Variants in CPB2 observed in about 807,000 individuals in gnomAD.
The protein encoded by CPB2 is carboxypeptidase B2.
A neutral mutation model predicts 57.0 loss-of-function variants in CPB2; 54 were observed. The ratio of observed to expected loss-of-function variants is 0.95; its 90% CI spans 0.76 to 1.19. The LOEUF (loss-of-function observed/expected upper bound fraction) is 1.19. Ranked by LOEUF, CPB2 falls within the 50% of genes most tolerant of loss-of-function variation. The probability of loss-of-function intolerance (pLI) is 0.00; values close to 1 mark genes in which losing one functional copy is unlikely to be tolerated. For synonymous variants in CPB2, 189 were observed against 178.1 expected (o/e 1.06, Z -0.49); for missense variants, 426 against 512.0 (o/e 0.83, Z 1.62).
chr13:46,104,604 G>A (rs2045472154), intron 1 of CPB2, among the ~76,000 whole-genome samples: 2 of 152,130 alleles, frequency 1.3e-5, no homozygotes, highest in South Asian at 4.2e-4. Flanking sequence ...GTGAAGACAG[G>A]AAGAATATGA....
intron 1 of CPB2, among the ~76,000 whole-genome samples, chr13:46,102,030 T>A (rs954526489): frequency 1.3e-5 from 2 of 152,354 alleles, no homozygotes; most frequent in African/African-American, 4.8e-5. Flanking sequence ...TTAAGGCCAC[T>A]GGTGGCCTGT....
chr13:46,065,516 A>G (rs1022945322), intron 7 of CPB2, among the ~76,000 whole-genome samples: 2 of 150,516 alleles, frequency 1.3e-5, no homozygotes, highest in Non-Finnish European at 2.9e-5. Context: ...AGTCCCAGCT[A>G]CTCGGGAGGC....
intron 4 of CPB2, among the ~76,000 whole-genome samples, chr13:46,079,442 C>T (rs202191212): frequency 6.6e-6 from 1 of 150,526 alleles, no homozygotes; most frequent in Non-Finnish European, 1.5e-5. Flanking sequence ...ACTCAATTAT[C>T]CCCCCAAGAA....
At chr13:46,098,996 G>A (rs140334449) in intron 1 of CPB2, 1 of 152,210 alleles carries the variant, frequency 6.6e-6, no homozygotes, top group African/African-American at 2.4e-5. Context: ...CAATGCGAGT[G>A]GTATAAATAT....
intron 7 of CPB2, 113 bp downstream of exon 7, chr13:46,067,189 TAAAAA>T (rs34583549): frequency 1.2e-5 from 6 of 514,810 alleles, no homozygotes; most frequent in Non-Finnish European, 2.1e-5. Context: ...CAATAAAAGT[TAAAAA>T]AAATTAATAA....
intron 7 of CPB2, among the ~76,000 whole-genome samples, chr13:46,066,552 A>T (rs2044856777): frequency 6.6e-6 from 1 of 152,220 alleles, no homozygotes; most frequent in South Asian, 2.1e-4. Context: ...ATACTTTTTA[A>T]AAAGTTAGGA....
intron 6 of CPB2, among the ~76,000 whole-genome samples, chr13:46,068,745 T>C (rs2044893918): frequency 7.0e-6 from 1 of 143,702 alleles, no homozygotes; most frequent in Admixed American, 6.9e-5. Context: ...CCTGTGTCCA[T>C]GTGTTCTCAT....
Position 46,058,187 on chromosome 13 carries a change from C to G in CPB2, c.991G>C (p.Glu331Gln). ...AATTAAGTAGCACTTACCAGTTCCT[C>G]ATGGTCTTTGCTTTTACTTCGTGTA... is the stretch of plus-strand genomic sequence containing the variant. ...SYTRSKSKDH[E>Q]ELSLVASEAV... Residue 331 changes from glutamate to glutamine, a missense_variant, in exon 9 of 11, where the codon GAG (glutamate) becomes CAG (glutamine). Glu to Gln is a conservative substitution (Grantham distance 29, BLOSUM62 2). Coordinates refer to ENST00000181383, the MANE Select transcript of CPB2 (RefSeq NM_001872.5). The G allele has an allele frequency of 6.2e-7, 1 of 1,611,368 alleles. No homozygotes were observed. The highest frequency in any genetic ancestry group is 1.1e-5 in the South Asian group (1 of 90,970).
At chr13:46,100,075 A>T (rs1463254849) in intron 1 of CPB2, 1 of 152,094 alleles carries the variant, frequency 6.6e-6, no homozygotes, top group African/African-American at 2.4e-5. Context: ...GGCAGTATTA[A>T]ATTAAAAAAA....
rs767289329 is a variant in CPB2 at position 46,082,524 on chromosome 13, G to C, written c.301C>G (p.Leu101Val). Reference sequence around the variant, plus strand: ...TCGTTGGAAATCTGCTGTTGAATAAGATCTTCCACATCTGCCAGCAAGACA... The same window carrying C: ...TCGTTGGAAATCTGCTGTTGAATAACATCTTCCACATCTGCCAGCAAGACA... ...CSVLLADVED[L>V]IQQQISNDTV... Residue 101 changes from leucine (L) to valine (V), a missense_variant, in exon 4 of 11, where the codon CTT becomes GTT. By Grantham distance (32) the Leu-to-Val change is conservative. Coordinates refer to ENST00000181383, the MANE Select transcript of CPB2 (RefSeq NM_001872.5). The C allele has an allele frequency of 1.2e-6, 2 of 1,613,514 alleles. No homozygotes were observed. The highest frequency in any genetic ancestry group is 1.7e-5 in the Admixed American group (1 of 60,012).
rs2044872409 is a variant in CPB2 at position 46,067,354 on chromosome 13, C to T, written c.655G>A (p.Val219Ile). The change falls in exon 7 of 11, where the codon GTT (valine) becomes ATT (isoleucine). Residue 219 changes from valine (V) to isoleucine (I), a missense_variant. Val to Ile is a conservative substitution (Grantham distance 29). Transcript: ENST00000181383. ...TNLLRLVDFY[V>I]MPVVNVDGYD... ...CCATCCACATTAACCACTGGCATAACATAGAAATCCACAAGCCTCAGGAGA... is the reference window on the plus strand; with the variant it reads ...CCATCCACATTAACCACTGGCATAATATAGAAATCCACAAGCCTCAGGAGA... 1.3e-6 allele frequency: 2 copies of T among 1,597,454 alleles called. No homozygotes were observed. The highest frequency in any genetic ancestry group is 1.7e-6 in the Non-Finnish European group (2 of 1,165,120).
chr13:46,063,176 T>C (rs1402075257), intron 8 of CPB2, among the ~76,000 whole-genome samples: 1 of 152,206 alleles, frequency 6.6e-6, no homozygotes, highest in African/African-American at 2.4e-5. Context: ...CAAACTTCTT[T>C]GTCTTCGGGT....
intron 10 of CPB2, among the ~76,000 whole-genome samples, chr13:46,054,811 C>T (rs2044673936): frequency 7.4e-6 from 1 of 134,554 alleles, no homozygotes; most frequent in African/African-American, 3.0e-5. Flanking sequence ...AGTGCAGTTG[C>T]ACAATCTCAG....
At chr13:46,090,496 G>T (rs558647593) in intron 1 of CPB2, among the ~76,000 whole-genome samples, 1 of 151,510 alleles carries the variant, frequency 6.6e-6, no homozygotes, top group African/African-American at 2.4e-5. Flanking sequence ...CTGAGTAGCT[G>T]GGATTACAGG....
intron 2 of CPB2, among the ~76,000 whole-genome samples, chr13:46,086,884 G>T (rs2045215713): frequency 6.6e-6 from 1 of 152,228 alleles, no homozygotes; most frequent in South Asian, 2.1e-4. Context: ...CTCTGATCAT[G>T]CACACAGCCA....
chr13:46,097,160 A>C (rs1012107633), intron 1 of CPB2: 2 of 152,298 alleles, frequency 1.3e-5, no homozygotes, highest in Non-Finnish European at 2.9e-5. Flanking sequence ...CAAATGACTC[A>C]GCCAGTTGAT....
chr13:46,076,587 C>T (rs1412852450), intron 5 of CPB2, among the ~76,000 whole-genome samples: 1 of 151,974 alleles, frequency 6.6e-6, no homozygotes, highest in Non-Finnish European at 1.5e-5. Context: ...CAATGCAATC[C>T]CTGTCAATAT....
intron 2 of CPB2, among the ~76,000 whole-genome samples, chr13:46,085,124 A>G (rs2045182853): frequency 1.3e-5 from 2 of 152,102 alleles, no homozygotes; most frequent in African/African-American, 4.8e-5. Context: ...TGCTGGGATT[A>G]CAGGCACGAG....
In CPB2 at chr13:46,053,659, A is replaced by G; in HGVS notation, c.1227T>C (p.Phe409=). The G allele has an allele frequency of 6.2e-7, 1 of 1,614,220 alleles. No individual in the cohort carries two copies. The highest frequency in any genetic ancestry group is 1.1e-5 in the South Asian group (1 of 91,090). ...GCCAAGCTATTTTAGAGACAGCGGC[A>G]AAAGCTTCTCTACAGGTGGGTTTGA... ...RYIKPTCREA[F]AAVSKIAWHV... is the part of the protein sequence containing the mutation. The change falls in exon 11 of 11, where the codon TTT becomes TTC. Residue 409 remains phenylalanine (F), a synonymous_variant. Coordinates refer to ENST00000181383, the MANE Select transcript of CPB2 (RefSeq NM_001872.5).
Sources: allele counts gnomAD v4.1 joint callset (sites outside exome capture counted in the v4.1 genomes callset), GRCh38; gene constraint gnomAD v4.1.1; transcripts MANE v1.5; gene names NCBI Gene and HGNC (gene_info 2026-07-23, HGNC 2026-07-21).